Variants in PWWP2A observed in about 807,000 individuals in gnomAD.
The protein encoded by PWWP2A is PWWP domain containing 2A.
PWWP2A carries 18 observed loss-of-function variants against 48.5 expected under a neutral mutation model. The ratio of observed to expected loss-of-function variants is 0.37; its 90% CI spans 0.26 to 0.55. The LOEUF (loss-of-function observed/expected upper bound fraction) is 0.55, where lower values mean the gene tolerates loss of function less well. PWWP2A is among the 20% of genes least tolerant of loss of function. The probability of loss-of-function intolerance (pLI) is 0.81; values close to 1 mark genes in which losing one functional copy is unlikely to be tolerated. For missense variants in PWWP2A, 867 were observed against 976.4 expected (o/e 0.89, Z 1.49); for synonymous variants, 396 against 387.7 (o/e 1.02, Z -0.25).
intron 1 of PWWP2A, among the ~76,000 whole-genome samples, chr5:160,113,790 T>C (rs757095852): frequency 6.6e-6 from 1 of 152,212 alleles, no homozygotes; most frequent in African/African-American, 2.4e-5. Flanking sequence ...AAGCACTAAC[T>C]TTCAGAAATA....
Position 160,094,000 on chromosome 5 carries a change from G to C in PWWP2A, c.650C>G (p.Ala217Gly). ...GAATGTATTACTTTGGAGCGGCATG[G>C]CTTCTGGTTTATCCTTATATTCCCT... ...PKREYKDKPE[A>G]MPLQSNTFQE... The change falls in exon 2 of 2, where the codon GCC becomes GGC. Residue 217 changes from alanine (A) to glycine (G), a missense_variant. Physicochemically the swap from Ala to Gly is moderately conservative, Grantham distance 60 (BLOSUM62 0). Transcript: ENST00000307063. This position sits in a 1 kb window ranked among gnomAD's most constrained non-coding sequence, Gnocchi z 5.8. The C allele has an allele frequency of 1.2e-6, 2 of 1,613,954 alleles. No homozygotes were observed. The highest frequency in any genetic ancestry group is 1.7e-6 in the Non-Finnish European group (2 of 1,179,876).
At chr5:160,087,227 TA>T (rs56279502), downstream of PWWP2A, among the ~76,000 whole-genome samples, 5 of 151,928 alleles carry the variant, frequency 3.3e-5, no homozygotes, top group Non-Finnish European at 7.4e-5. Flanking sequence ...AAACATTTTT[TA>T]AAAATTAGCC....
Position 160,078,227 on chromosome 5 carries a change from A to C in PWWP2A, c.1670-59T>G. On this transcript the variant is annotated intron_variant, in intron 3 of 3. Transcript: ENST00000456329. This position sits in a 1 kb window ranked among gnomAD's most constrained non-coding sequence, Gnocchi z 4.2. ...GTTAAGCACAAGTAATTATATGAGG[A>C]AAATGATGTCCTTGTTGTTTAAGCC... 1.5e-6 allele frequency: 2 copies of C among 1,332,552 alleles called. No homozygotes were observed. The highest frequency in any genetic ancestry group is 2.5e-5 in the East Asian group (1 of 39,804). The allele number at this position is 1,332,552 out of a possible 1,614,324, so 82.5% of individuals were successfully genotyped here.
downstream of PWWP2A, among the ~76,000 whole-genome samples, chr5:160,056,962 G>T (rs903428293): frequency 6.6e-6 from 1 of 151,974 alleles, no homozygotes; most frequent in Non-Finnish European, 1.5e-5. Flanking sequence ...ATACATGTAG[G>T]TACAGAAACC....
intron 1 of PWWP2A, among the ~76,000 whole-genome samples, chr5:160,118,152 T>A (rs898680960): frequency 1.3e-5 from 2 of 152,232 alleles, no homozygotes; most frequent in South Asian, 2.1e-4. Flanking sequence ...AAGGATTTTT[T>A]AAAAATCTCC....
chr5:160,094,570 T>C (rs1755415221), intron 1 of PWWP2A, among the ~76,000 whole-genome samples: 1 of 152,230 alleles, frequency 6.6e-6, no homozygotes, highest in African/African-American at 2.4e-5. Context: ...TCACTGAAGA[T>C]TCAAAGAAAG....
the PWWP2A span, among the ~76,000 whole-genome samples, chr5:160,050,702 T>G: frequency 6.7e-6 from 1 of 150,058 alleles, no homozygotes; most frequent in Non-Finnish European, 1.5e-5. Context: ...CATGGCATAC[T>G]GCACCCTCAA....
At chr5:160,118,665 G>GCGCGCCA (rs1758390979) in intron 1 of PWWP2A, 140 bp downstream of exon 1, 9 of 836,822 alleles carry the variant, frequency 1.1e-5, no homozygotes, top group Non-Finnish European at 1.5e-5. Context: ...CACTCGGAGC[G>GCGCGCCA]CGCGCCACGC....
At chr5:160,086,124 AAC>A (rs1166729283) in intron 2 of PWWP2A, among the ~76,000 whole-genome samples, 1 of 152,204 alleles carries the variant, frequency 6.6e-6, no homozygotes, top group South Asian at 2.1e-4. Flanking sequence ...CGGCCTTTAT[AAC>A]TGTCACATTC....
At position 160,078,721 on chromosome 5, in the gene PWWP2A, A is replaced by G. The variant is rs1754022581; in HGVS notation, c.1670-553T>C. ...AGAAGGGAATGGAGGGTGCCTCCCC[A>G]GAAGTAGACACAGCACATCGGAAGG... On this transcript the variant is annotated intron_variant, in intron 3 of 3. Transcript: ENST00000456329. This position sits in a 1 kb window ranked among gnomAD's most constrained non-coding sequence, Gnocchi z 4.2. Among the ~76,000 whole-genome samples, 1 of 152,182 alleles carries G rather than the reference A, an allele frequency of 6.6e-6. No homozygotes were observed. The highest frequency in any genetic ancestry group is 1.5e-5 in the Non-Finnish European group (1 of 68,030).
chr5:160,090,709 GTA>G, downstream of PWWP2A: 2 of 952,778 alleles, frequency 2.1e-6, no homozygotes, highest in South Asian at 4.9e-5. Flanking sequence ...GAGTTCCATA[GTA>G]ACTACTTCAA....
chr5:160,119,365 C>T lies in PWWP2A; in HGVS notation c.24G>A (p.Ala8=), dbSNP rs781605360. The T allele has an allele frequency of 1.2e-5, 16 of 1,377,452 alleles. No homozygotes were observed. Among genetic ancestry groups the T allele is most frequent in the Non-Finnish European group, 1.5e-5 (16 of 1,072,870 alleles). 85.3% of individuals were successfully genotyped at this position (1,377,452 alleles called of 1,614,324 possible). MAAVAAE[A]AATAASPGEG... is the part of the protein sequence containing the mutation. Reference sequence around the variant, plus strand: ...CCCCGGGGGACGCTGCAGTCGCTGCCGCCTCTGCAGCCACGGCCGCCATTT... The same window carrying T: ...CCCCGGGGGACGCTGCAGTCGCTGCTGCCTCTGCAGCCACGGCCGCCATTT... Residue 8 remains alanine, a synonymous_variant, in exon 1 of 2, where the codon GCG becomes GCA. Coordinates refer to ENST00000307063, the MANE Select transcript of PWWP2A (RefSeq NM_001130864.2).
At chr5:160,099,731 G>A (rs771236971) in intron 1 of PWWP2A, among the ~76,000 whole-genome samples, 16 of 150,458 alleles carry the variant, frequency 1.1e-4, no homozygotes, top group African/African-American at 2.9e-4. Flanking sequence ...AGGCTAGAGC[G>A]CAGTGGCCTG....
the PWWP2A span, among the ~76,000 whole-genome samples, chr5:160,051,772 TTAAG>T: frequency 2.6e-5 from 4 of 152,306 alleles, no homozygotes; most frequent in African/African-American, 7.2e-5. Context: ...AGCAATCTGC[TTAAG>T]TAAGAGGAGT....
At position 160,092,026 on chromosome 5, in the gene PWWP2A, ACACACACACACACGTATATATATG is replaced by A; in HGVS notation, c.*332_*355del. The A allele has an allele frequency of 2.7e-6, 1 of 369,354 alleles. No homozygotes were observed. Among genetic ancestry groups the A allele is most frequent in the Non-Finnish European group, 3.5e-6 (1 of 283,416 alleles). 22.9% of individuals were successfully genotyped at this position (369,354 alleles called of 1,614,324 possible). A position where few individuals can be genotyped will look rare whatever the true frequency, so the allele number is the denominator to read the frequency against. On this transcript the variant is annotated 3_prime_UTR_variant, in exon 2 of 2. Transcript: ENST00000307063. ...TATACATACACGGATATATATATAT[ACACACACACACACGTATATATATG>A]TATATATACAGTATTAGGTACAAAT...
downstream of PWWP2A, chr5:160,090,140 CTGAT>C (rs1754948163): frequency 5.1e-6 from 5 of 985,162 alleles, no homozygotes; most frequent in Non-Finnish European, 6.0e-6. Context: ...TTCTACAAAA[CTGAT>C]TGTTATTTTT....
At position 160,092,598 on chromosome 5, in the gene PWWP2A, G is replaced by T; in HGVS notation, c.2052C>A (p.Gly684=). The T allele has an allele frequency of 1.9e-6, 3 of 1,551,690 alleles. No individual in the cohort carries two copies. Among genetic ancestry groups the T allele is most frequent in the Non-Finnish European group, 2.6e-6 (3 of 1,146,992 alleles). Residue 684 remains glycine, a synonymous_variant, in exon 2 of 2, where the codon GGC becomes GGA. Transcript: ENST00000307063. ...TACGGGCCTCCTGTCGGACTAAAAG[G>T]CCGTTATCTTTCCGGCTCACAGTTA... ...LTITVSRKDN[G]LLVRQEARIS...
downstream of PWWP2A, among the ~76,000 whole-genome samples, chr5:160,087,489 G>A (rs1045659748): frequency 3.9e-5 from 6 of 152,090 alleles, no homozygotes; most frequent in Non-Finnish European, 7.4e-5. Flanking sequence ...TGGAAGTGGG[G>A]TAATGCCAGC....
chr5:160,065,138 G>T, intron 4 of PWWP2A: 1 of 1,565,546 alleles, frequency 6.4e-7, no homozygotes, highest in Non-Finnish European at 8.6e-7. Context: ...GAAAGGCCCT[G>T]CCAATGTTTA....
Sources: gnomAD v4.1 joint callset for allele counts (sites outside exome capture counted in the v4.1 genomes callset) on GRCh38, gnomAD v4.1.1 for gene constraint, Gnocchi (gnomAD v3.1) non-coding constraint, MANE v1.5 for transcripts, NCBI Gene and HGNC (gene_info 2026-07-23, HGNC 2026-07-21) for gene names.